EPHB1: variants seen among roughly 807,000 people sequenced by gnomAD.
EPHB1 encodes the protein ephrin type-B receptor 1.
EPHB1 carries 30 observed loss-of-function variants against 94.4 expected under a neutral mutation model. The ratio of observed to expected loss-of-function variants is 0.32; its 90% CI spans 0.24 to 0.43. The LOEUF (loss-of-function observed/expected upper bound fraction) is 0.43. Among genes scored for constraint, EPHB1 ranks in the 20% least tolerant of loss-of-function variants. The pLI, the probability that EPHB1 is intolerant of heterozygous loss-of-function variation, is 1.00. For missense variants in EPHB1, 1,055 were observed against 1,308.3 expected, an observed-to-expected ratio of 0.81 and a Z score of 2.99; for synonymous variants, 522 against 489.1, an observed-to-expected ratio of 1.07 and a Z score of -0.89.
At chr3:135,012,166 C>A (rs1377624789) in intron 3 of EPHB1, among the ~76,000 whole-genome samples, 1 of 152,190 alleles carries the variant, frequency 6.6e-6, no homozygotes, top group Admixed American at 6.5e-5. Flanking sequence ...TTCAGTACCA[C>A]CAAGCAATTA....
At chr3:134,799,653 C>G (rs75495228) in intron 1 of EPHB1, among the ~76,000 whole-genome samples, 5,576 of 152,272 alleles carry the variant, frequency 0.037, 133 homozygotes, top group Non-Finnish European at 0.059. Flanking sequence ...TGTGATGCTC[C>G]CGAGCCTGGG....
intron 3 of EPHB1, among the ~76,000 whole-genome samples, chr3:135,059,175 A>G (rs1937427119): frequency 6.6e-6 from 1 of 152,220 alleles, no homozygotes; most frequent in African/African-American, 2.4e-5. Flanking sequence ...AAACTGGGGA[A>G]CTTATGTTCC....
At chr3:135,073,401 C>T (rs769049936) in intron 3 of EPHB1, among the ~76,000 whole-genome samples, 2 of 152,168 alleles carry the variant, frequency 1.3e-5, no homozygotes, top group Non-Finnish European at 2.9e-5. Flanking sequence ...AGTTGTATAG[C>T]AAACTCACTT....
At chr3:134,962,228 A>G (rs1933546063) in intron 3 of EPHB1, among the ~76,000 whole-genome samples, 1 of 152,216 alleles carries the variant, frequency 6.6e-6, no homozygotes, top group African/African-American at 2.4e-5. Flanking sequence ...TTGACTTTGC[A>G]AAGTTCCATA....
At chr3:135,205,832 T>G (rs1320884804) in intron 12 of EPHB1, among the ~76,000 whole-genome samples, 1 of 152,232 alleles carries the variant, frequency 6.6e-6, no homozygotes, top group Non-Finnish European at 1.5e-5. Context: ...CTAGCCATTT[T>G]AGCATACATG....
intron 1 of EPHB1, among the ~76,000 whole-genome samples, chr3:134,836,371 G>T (rs1160366758): frequency 8.5e-5 from 13 of 152,152 alleles, no homozygotes; most frequent in African/African-American, 2.9e-4. Flanking sequence ...TGCATTTAAA[G>T]AATTGCTTAA....
intron 1 of EPHB1, among the ~76,000 whole-genome samples, chr3:134,866,092 G>T (rs1410427225): frequency 6.6e-6 from 1 of 152,176 alleles, no homozygotes; most frequent in East Asian, 1.9e-4. Flanking sequence ...AGCAGAGGCT[G>T]CCTGCCCCTG....
At chr3:135,059,079 A>G (rs1326227272) in intron 3 of EPHB1, among the ~76,000 whole-genome samples, 3 of 152,246 alleles carry the variant, frequency 2.0e-5, no homozygotes, top group Non-Finnish European at 2.9e-5. Context: ...ATCAGCAAAT[A>G]TTTCTCATGT....
At chr3:134,977,410 G>A (rs1341608929) in intron 3 of EPHB1, among the ~76,000 whole-genome samples, 4 of 152,116 alleles carry the variant, frequency 2.6e-5, no homozygotes, top group East Asian at 1.9e-4. Flanking sequence ...AGACTCCCCC[G>A]CAAATACCTG....
chr3:134,821,102 T>C (rs150789591), intron 1 of EPHB1, among the ~76,000 whole-genome samples: 2 of 152,284 alleles, frequency 1.3e-5, no homozygotes, highest in African/African-American at 4.8e-5. Flanking sequence ...AGCCAATGTT[T>C]CAGTTTGAAT....
intron 1 of EPHB1, among the ~76,000 whole-genome samples, chr3:134,890,057 A>G (rs2107684839): frequency 6.6e-6 from 1 of 152,336 alleles, no homozygotes; most frequent in East Asian, 1.9e-4. Flanking sequence ...CCTACCACCC[A>G]GATTCTGAAA....
chr3:135,257,562 GC>G (rs1360139205), intron 15 of EPHB1, among the ~76,000 whole-genome samples: 1 of 152,028 alleles, frequency 6.6e-6, no homozygotes, highest in Non-Finnish European at 1.5e-5. Context: ...ACCTGAGGAG[GC>G]AGTCTGCCCG....
chr3:135,222,294 CT>C (rs1377302906), intron 12 of EPHB1, among the ~76,000 whole-genome samples: 1 of 152,204 alleles, frequency 6.6e-6, no homozygotes, highest in East Asian at 1.9e-4. Context: ...CTCATCTTCT[CT>C]GAGATGCCTC....
intron 3 of EPHB1, among the ~76,000 whole-genome samples, chr3:134,961,706 G>A (rs1933527950): frequency 6.6e-6 from 1 of 152,222 alleles, no homozygotes; most frequent in East Asian, 1.9e-4. Context: ...AAGTTTAACA[G>A]TAGTTTGGTT....
chr3:135,098,141 C>T (rs1445306800), intron 3 of EPHB1, among the ~76,000 whole-genome samples: 3 of 152,226 alleles, frequency 2.0e-5, no homozygotes, highest in Non-Finnish European at 4.4e-5. Flanking sequence ...CTGCTATGCT[C>T]AGCTCAGCTC....
At chr3:135,129,697 C>T (rs1372073697) in intron 4 of EPHB1, among the ~76,000 whole-genome samples, 3 of 152,112 alleles carry the variant, frequency 2.0e-5, no homozygotes, top group Non-Finnish European at 4.4e-5. Flanking sequence ...GACTTAGGCA[C>T]CTGGAAATGA....
intron 5 of EPHB1, among the ~76,000 whole-genome samples, chr3:135,133,938 C>T (rs1940519564): frequency 6.6e-6 from 1 of 152,206 alleles, no homozygotes; most frequent in South Asian, 2.1e-4. Flanking sequence ...GTGAAGGATG[C>T]AGTGATACTT....
chr3:135,038,108 C>T (rs1936706754), intron 3 of EPHB1, among the ~76,000 whole-genome samples: 1 of 152,204 alleles, frequency 6.6e-6, no homozygotes, highest in East Asian at 1.9e-4. Context: ...GCAAGTTAGC[C>T]ATTTGTAGCT....
chr3:135,256,443 GT>G (rs1933392398), intron 15 of EPHB1, among the ~76,000 whole-genome samples: 1 of 152,124 alleles, frequency 6.6e-6, no homozygotes, highest in African/African-American at 2.4e-5. Flanking sequence ...GCATTTGCTT[GT>G]CTGTAAAGTA....
Sources: allele counts gnomAD v4.1 joint callset (sites outside exome capture counted in the v4.1 genomes callset), GRCh38; gene constraint gnomAD v4.1.1; transcripts MANE v1.5; gene names NCBI Gene and HGNC (gene_info 2026-07-23, HGNC 2026-07-21).